The following RPS6KA1 variants were observed in gnomAD, a reference collection of about 807,000 sequenced individuals.
The protein encoded by RPS6KA1 is ribosomal protein S6 kinase alpha-1.
In RPS6KA1, 48 loss-of-function variants were observed where a neutral mutation model predicts 91.3. The ratio of observed to expected loss-of-function variants is 0.53; its 90% CI spans 0.42 to 0.67. The LOEUF is 0.67. Ranked by LOEUF, RPS6KA1 falls within the 30% of genes least tolerant of loss-of-function variation. The pLI is 0.00. For missense variants in RPS6KA1, 719 were observed against 960.5 expected, an observed-to-expected ratio of 0.75 and a Z score of 3.32; for synonymous variants, 359 against 384.7, an observed-to-expected ratio of 0.93 and a Z score of 0.78.
chr1:26,573,679 C>A (rs977213664), intron 21 of RPS6KA1, among the ~76,000 whole-genome samples: 2 of 152,134 alleles, frequency 1.3e-5, no homozygotes, highest in African/African-American at 4.8e-5. Flanking sequence ...GTGGCTCACA[C>A]CTGTAATCCC....
At chr1:26,533,936 C>T (rs1037862882) in intron 1 of RPS6KA1, among the ~76,000 whole-genome samples, 1 of 152,148 alleles carries the variant, frequency 6.6e-6, no homozygotes, top group East Asian at 1.9e-4. Flanking sequence ...CCAGTCTGTT[C>T]TCCAGGGCTG....
At chr1:26,541,613 C>A (rs1156451178) in intron 2 of RPS6KA1, among the ~76,000 whole-genome samples, 5 of 152,230 alleles carry the variant, frequency 3.3e-5, no homozygotes, top group Non-Finnish European at 4.4e-5. Context: ...GGCACACTTA[C>A]CATCATCTCT....
At chr1:26,553,586 C>T in intron 7 of RPS6KA1, 89 bp downstream of exon 7, 1 of 758,926 alleles carries the variant, frequency 1.3e-6, no homozygotes, top group Non-Finnish European at 2.2e-6. Flanking sequence ...GCATGGCTTT[C>T]TCCAGAAACG....
intron 1 of RPS6KA1, among the ~76,000 whole-genome samples, chr1:26,533,492 G>A (rs2075883165): frequency 6.6e-6 from 1 of 151,978 alleles, no homozygotes; most frequent in African/African-American, 2.4e-5. Flanking sequence ...GATCACCTGA[G>A]GTCAGGAGTT....
At chr1:26,545,823 C>A in intron 2 of RPS6KA1, 1 of 1,442,580 alleles carries the variant, frequency 6.9e-7, no homozygotes, top group Non-Finnish European at 9.1e-7. Context: ...CCTGCACATC[C>A]GCCTTGGTCC....
rs2076005333 is a variant in RPS6KA1 at position 26,547,438 on chromosome 1, C to T, written c.307+168C>T. 1.6e-6 allele frequency: 1 copy of T among 610,956 alleles called. No individual in the cohort carries two copies. The allele number at this position is 610,956 out of a possible 1,614,324, so 37.8% of individuals were successfully genotyped here. ...CAGCTATCCCTCGCCAGCCAATCCT[C>T]CTCCCCCTAAGCCAAGTGCTAGTGA... On this transcript the variant is annotated intron_variant, in intron 4 of 21. Coordinates refer to ENST00000374168, the MANE Select transcript of RPS6KA1 (RefSeq NM_002953.4). This position sits in a 1 kb window ranked among gnomAD's most constrained non-coding sequence, Gnocchi z 4.1.
At position 26,547,077 on chromosome 1, in the gene RPS6KA1, C is replaced by A; in HGVS notation, c.225+94C>A. 1 of 1,521,786 alleles carries A rather than the reference C, an allele frequency of 6.6e-7. No homozygotes were observed. The highest frequency in any genetic ancestry group is 9.1e-7 in the Non-Finnish European group (1 of 1,097,242). The allele number at this position is 1,521,786 out of a possible 1,614,324, so 94.3% of individuals were successfully genotyped here. On this transcript the variant is annotated intron_variant, in intron 3 of 21. Transcript: ENST00000374168. The surrounding 1 kb of genome is among the most constrained non-coding windows in gnomAD (Gnocchi z 4.1). ...AGGGGCCCAAAGGATCAGAGGTCAC[C>A]TTGGTACCCAGGGAGAGCAAAAAGG...
chr1:26,537,243 C>A (rs2075913908), intron 2 of RPS6KA1, among the ~76,000 whole-genome samples: 3 of 152,340 alleles, frequency 2.0e-5, no homozygotes, highest in Non-Finnish European at 4.4e-5. Context: ...GATGCCCCTG[C>A]AGTTTATTTA....
In RPS6KA1 at chr1:26,571,305, A is replaced by G. The variant is rs1275075717; in HGVS notation, c.1591-144A>G. 1 of 703,576 alleles carries G rather than the reference A, an allele frequency of 1.4e-6. No homozygotes were observed. Among genetic ancestry groups the G allele is most frequent in the Admixed American group, 2.6e-5 (1 of 37,782 alleles). 43.6% of individuals were successfully genotyped at this position (703,576 alleles called of 1,614,324 possible). On this transcript the variant is annotated intron_variant, in intron 17 of 21. Transcript: ENST00000374168. This position sits in a 1 kb window ranked among gnomAD's most constrained non-coding sequence, Gnocchi z 5.1. The stretch of plus-strand genomic sequence containing the variant: ...GCAGCAGCAATAAGACCATCATTTC[A>G]GCCCCTTCCCCTTCTCTCGGATGCC...
chr1:26,561,009 C>T lies in RPS6KA1; in HGVS notation c.1342-36C>T. The T allele has an allele frequency of 6.2e-7, 1 of 1,606,222 alleles. No individual in the cohort carries two copies. On this transcript the variant is annotated intron_variant, in intron 15 of 21. Transcript: ENST00000374168. The surrounding 1 kb of genome is among the most constrained non-coding windows in gnomAD (Gnocchi z 5.7). ...GGCCAGAAAGGACCCTGGACCCTGT[C>T]ACCCTGACACTGCCACATGCACCCC...
In RPS6KA1 at chr1:26,561,703, G is replaced by A. The variant is rs377675714; in HGVS notation, c.1590+40G>A. 4.5e-6 allele frequency: 7 copies of A among 1,551,490 alleles called. No individual in the cohort carries two copies. The South Asian group carries it at 6.2e-5, about 14-fold the overall frequency. On this transcript the variant is annotated intron_variant, in intron 17 of 21. Transcript: ENST00000374168. The surrounding 1 kb of genome is among the most constrained non-coding windows in gnomAD (Gnocchi z 5.7). ...GGGGAGGCAGTAGGGGGATGCCAAG[G>A]GTCATATCATCAGCAGAGAACATGA...
At chr1:26,548,865 T>C (rs1299154404) in intron 4 of RPS6KA1, among the ~76,000 whole-genome samples, 1 of 151,082 alleles carries the variant, frequency 6.6e-6, no homozygotes, top group African/African-American at 2.4e-5. Context: ...GTGTGGTCCT[T>C]GTCATGTCTA....
At chr1:26,557,806 CCCCTT>C (rs2076117024) in intron 13 of RPS6KA1, among the ~76,000 whole-genome samples, 1 of 135,788 alleles carries the variant, frequency 7.4e-6, no homozygotes, top group African/African-American at 2.8e-5. Flanking sequence ...CCCCTCCCCT[CCCCTT>C]CCCTCTCCTT....
rs2076093397 is a variant in RPS6KA1, at chr1:26,555,584, T to A, written c.875T>A (p.Leu292His). The A allele has an allele frequency of 8.7e-6, 14 of 1,602,084 alleles. No individual in the cohort carries two copies. The highest frequency in any genetic ancestry group is 1.1e-5 in the Non-Finnish European group (13 of 1,173,776). ...TTTCTGAGCACTGAAGCCCAGAGCC[T>A]CTTGCGGGCCCTGTTCAAGCGGAAT... Reference protein sequence around the residue: ...PQFLSTEAQSLLRALFKRNPA... With the variant: ...PQFLSTEAQSHLRALFKRNPA... Residue 292 changes from leucine to histidine, a missense_variant, in exon 11 of 22, where the codon CTC (leucine) becomes CAC (histidine). Leu to His is a moderately conservative substitution (Grantham distance 99, BLOSUM62 -3). This residue lies in a region of RPS6KA1 where 228 missense variants were observed against 247.6 expected (regional missense o/e 0.92). Transcript: ENST00000374168. The surrounding 1 kb of genome is among the most constrained non-coding windows in gnomAD (Gnocchi z 4.3).
At chr1:26,566,689 A>C (rs1048275916) in intron 17 of RPS6KA1, among the ~76,000 whole-genome samples, 7 of 152,078 alleles carry the variant, frequency 4.6e-5, no homozygotes, top group Admixed American at 1.3e-4. Context: ...ATGCCTCTTC[A>C]AGTCTTTTGT....
Position 26,571,674 on chromosome 1 carries a change from C to T in RPS6KA1, c.1752+64C>T. ...GAATTGGAGGCCTTGTGCCCCCTCC[C>T]AGAGGCCCCACATTAGCCGGGACTC... On this transcript the variant is annotated intron_variant, in intron 18 of 21. Coordinates refer to ENST00000374168, the MANE Select transcript of RPS6KA1 (RefSeq NM_002953.4). This position sits in a 1 kb window ranked among gnomAD's most constrained non-coding sequence, Gnocchi z 5.1. The T allele has an allele frequency of 1.3e-6, 2 of 1,571,916 alleles. No individual in the cohort carries two copies. Among genetic ancestry groups the T allele is most frequent in the African/African-American group, 1.3e-5 (1 of 74,100 alleles).
chr1:26,557,571 A>C (rs2076113749), intron 13 of RPS6KA1, among the ~76,000 whole-genome samples: 1 of 152,142 alleles, frequency 6.6e-6, no homozygotes, highest in African/African-American at 2.4e-5. Context: ...CTTATCTGGA[A>C]CAAGGGCACA....
chr1:26,543,330 C>T, intron 2 of RPS6KA1: 1 of 830,980 alleles, frequency 1.2e-6, no homozygotes, highest in South Asian at 1.5e-5. Context: ...TTTCCTGTCT[C>T]TGTCCCCAGG....
Position 26,561,580 on chromosome 1 carries a change from C to A in RPS6KA1, c.1507C>A (p.Arg503=). The A allele has an allele frequency of 6.2e-7, 1 of 1,614,100 alleles. No individual in the cohort carries two copies. The highest frequency in any genetic ancestry group is 8.5e-7 in the Non-Finnish European group (1 of 1,179,998). The change falls in exon 17 of 22, where the codon CGG becomes AGG. Residue 503 remains arginine, a synonymous_variant. Coordinates refer to ENST00000374168, the MANE Select transcript of RPS6KA1 (RefSeq NM_002953.4). The surrounding 1 kb of genome is among the most constrained non-coding windows in gnomAD (Gnocchi z 5.7). ...RGGELLDKIL[R]QKFFSEREAS... is the part of the protein sequence containing the mutation. ...TGGGGAGCTGCTGGACAAGATCCTG[C>A]GGCAGAAGTTCTTCTCAGAGCGGGA... is the stretch of plus-strand genomic sequence containing the variant.
Sources: gnomAD v4.1 joint callset for allele counts (sites outside exome capture counted in the v4.1 genomes callset) on GRCh38, gnomAD v4.1.1 for gene constraint, gnomAD v4.1.1 regional missense constraint, Gnocchi (gnomAD v3.1) non-coding constraint, MANE v1.5 for transcripts, NCBI Gene and HGNC (gene_info 2026-07-23, HGNC 2026-07-21) for gene names.